PIK3C2A: variants seen among roughly 807,000 people sequenced by gnomAD.
PIK3C2A encodes the protein phosphatidylinositol-4-phosphate 3-kinase catalytic subunit type 2 alpha.
In PIK3C2A, 97 loss-of-function variants were observed where a neutral mutation model predicts 204.5. That is an observed-to-expected ratio of 0.47 (90% CI 0.40 to 0.56). The LOEUF is 0.56. PIK3C2A is among the 20% of genes least tolerant of loss of function. The pLI, the probability that PIK3C2A is intolerant of heterozygous loss-of-function variation, is 0.00. For synonymous variants in PIK3C2A, 653 were observed against 664.4 expected (o/e 0.98, Z 0.26); for missense variants, 1,735 against 1,969.2 (o/e 0.88, Z 2.25).
chr11:17,169,419 C>T lies in PIK3C2A; in HGVS notation c.323G>A (p.Ser108Asn). The change falls in exon 2 of 33, where the codon AGT becomes AAT. Residue 108 changes from serine (S) to asparagine (N), a missense_variant. Around this residue, in one of 6 missense-constraint regions of PIK3C2A, gnomAD observed 536 missense variants for 546.7 expected, o/e 0.98. Transcript: ENST00000691414. ...TACAGGTGTTTTTTTAGTCTCGAAA[C>T]TGTCATCCAGCAATAGTTTCTCAAG... is the stretch of plus-strand genomic sequence containing the variant. ...AELEKLLLDDSFETKKTPVLP... is the reference protein window; with the variant it reads ...AELEKLLLDDNFETKKTPVLP... The T allele has an allele frequency of 6.2e-7, 1 of 1,614,124 alleles. No individual in the cohort carries two copies. The highest frequency in any genetic ancestry group is 8.5e-7 in the Non-Finnish European group (1 of 1,180,004).
At chr11:17,162,664 G>A (rs896570013) in intron 2 of PIK3C2A, among the ~76,000 whole-genome samples, 4 of 152,258 alleles carry the variant, frequency 2.6e-5, no homozygotes, top group African/African-American at 7.2e-5. Context: ...TCTGTACCTC[G>A]TTTCCATTTT....
chr11:17,091,468 A>C lies in PIK3C2A; in HGVS notation c.4753-9T>G. ...GCTCCATCTTCAGTAACCTAAAAAG[A>C]AAAGCAGTCCCTTAATAGTAATGCT... On this transcript the variant is annotated splice_polypyrimidine_tract_variant and intron_variant, in intron 31 of 32. Transcript: ENST00000691414. 6.2e-7 allele frequency: 1 copy of C among 1,611,162 alleles called. No individual in the cohort carries two copies. Among genetic ancestry groups the C allele is most frequent in the Non-Finnish European group, 8.5e-7 (1 of 1,179,166 alleles).
chr11:17,182,395 C>A (rs1203621165), intron 1 of PIK3C2A, among the ~76,000 whole-genome samples: 2 of 151,616 alleles, frequency 1.3e-5, no homozygotes, highest in Non-Finnish European at 2.9e-5. Flanking sequence ...GGCAAAACCC[C>A]ATCTCTACAC....
chr11:17,148,624 A>C (rs1024575323), intron 5 of PIK3C2A, 43 bp downstream of exon 5: 1 of 1,585,102 alleles, frequency 6.3e-7, no homozygotes, highest in Middle Eastern at 1.7e-4. Flanking sequence ...ACCATTAAAA[A>C]TGAAATTTCC....
At chr11:17,110,005 T>C (rs1848944406) in intron 22 of PIK3C2A, among the ~76,000 whole-genome samples, 1 of 152,158 alleles carries the variant, frequency 6.6e-6, no homozygotes, top group African/African-American at 2.4e-5. Flanking sequence ...GAGCCTAGAA[T>C]ACAGTGATGC....
chr11:17,185,483 C>T (rs1406370280), intron 1 of PIK3C2A, among the ~76,000 whole-genome samples: 1 of 152,110 alleles, frequency 6.6e-6, no homozygotes, highest in East Asian at 1.9e-4. Flanking sequence ...TTGGTACTAT[C>T]CGAAGTTTTA....
chr11:17,142,347 T>C (rs747897158), intron 8 of PIK3C2A, among the ~76,000 whole-genome samples: 22 of 152,104 alleles, frequency 1.4e-4, no homozygotes, highest in Admixed American at 3.3e-4. Context: ...AACTGAGCCC[T>C]GGGGATATGC....
chr11:17,114,197 T>TA lies in PIK3C2A; in HGVS notation c.3321+163dup, dbSNP rs572798743. Among the ~76,000 whole-genome samples the TA allele has an allele frequency of 4.4e-4, 67 of 152,080 alleles. 1 individual carries two copies. The South Asian group carries it at 8.1e-3, about 18-fold the overall frequency. On this transcript the variant is annotated intron_variant, in intron 20 of 32. Transcript: ENST00000691414. ...TTTTTTCCCAGGAATGGTGGTTAGG[T>TA]AAAAAAATATGCTAAGATAAATATG...
At chr11:17,168,452 G>A (rs1176581444) in intron 2 of PIK3C2A, among the ~76,000 whole-genome samples, 2 of 152,022 alleles carry the variant, frequency 1.3e-5, no homozygotes, top group South Asian at 4.2e-4. Context: ...GTGGTGGCGG[G>A]TGCCTGTAGT....
At chr11:17,093,744 C>T (rs1848378103) in intron 28 of PIK3C2A, among the ~76,000 whole-genome samples, 2 of 151,720 alleles carry the variant, frequency 1.3e-5, no homozygotes, top group African/African-American at 2.4e-5. Context: ...ATCAATCAAT[C>T]CTCTCACTTC....
chr11:17,173,740 C>A (rs1324421813), intron 1 of PIK3C2A, among the ~76,000 whole-genome samples: 1 of 152,222 alleles, frequency 6.6e-6, no homozygotes, highest in Non-Finnish European at 1.5e-5. Flanking sequence ...GAGTTCCCCA[C>A]AACATTTAAA....
At chr11:17,145,772 C>A in intron 7 of PIK3C2A, 41 bp from the exon 8 acceptor site, 1 of 1,556,190 alleles carries the variant, frequency 6.4e-7, no homozygotes, top group South Asian at 1.1e-5. Context: ...GGATGCTACA[C>A]ACAAAATGAT....
At chr11:17,109,697 G>A (rs932776473) in intron 22 of PIK3C2A, among the ~76,000 whole-genome samples, 3 of 152,084 alleles carry the variant, frequency 2.0e-5, no homozygotes, top group African/African-American at 7.2e-5. Flanking sequence ...CAGAGCAGCT[G>A]AGACTATTTA....
At chr11:17,157,854 T>G (rs1850647083) in intron 2 of PIK3C2A, among the ~76,000 whole-genome samples, 1 of 152,210 alleles carries the variant, frequency 6.6e-6, no homozygotes, top group African/African-American at 2.4e-5. Context: ...ATTTTATATT[T>G]CCTAGCAAAT....
chr11:17,098,539 G>A (rs553363495), intron 26 of PIK3C2A, among the ~76,000 whole-genome samples: 1 of 152,320 alleles, frequency 6.6e-6, no homozygotes, highest in African/African-American at 2.4e-5. Flanking sequence ...TTTTGTTATG[G>A]AAGTCTAAGC....
chr11:17,186,510 T>C (rs1022203201), intron 1 of PIK3C2A, among the ~76,000 whole-genome samples: 4 of 152,308 alleles, frequency 2.6e-5, no homozygotes, highest in South Asian at 4.1e-4. Flanking sequence ...AAATATCACA[T>C]TCAAAATGAG....
intron 11 of PIK3C2A, among the ~76,000 whole-genome samples, chr11:17,132,487 G>A (rs947803614): frequency 3.3e-5 from 5 of 150,968 alleles, no homozygotes; most frequent in African/African-American, 9.7e-5. Context: ...CCGCCACCGC[G>A]CCCGGCTAAT....
At chr11:17,103,862 C>T (rs962420582) in intron 23 of PIK3C2A, among the ~76,000 whole-genome samples, 33 of 152,160 alleles carry the variant, frequency 2.2e-4, no homozygotes, top group African/African-American at 8.0e-4. Context: ...TTAATGTATG[C>T]TACTTGGCAA....
At position 17,136,462 on chromosome 11, in the gene PIK3C2A, T is replaced by C. The variant is rs1565266441; in HGVS notation, c.1848+20A>G. ...TACATATTTGCATGTAATAAAATCC[T>C]AGTTACCAAAAATACTCACATCAGC... On this transcript the variant is annotated intron_variant, in intron 9 of 32. Transcript: ENST00000691414. 4 of 1,581,058 alleles carry C rather than the reference T, an allele frequency of 2.5e-6. No homozygotes were observed. Among genetic ancestry groups the C allele is most frequent in the Middle Eastern group, 1.7e-4 (1 of 5,968 alleles).
Sources: gnomAD v4.1 joint callset for allele counts (sites outside exome capture counted in the v4.1 genomes callset) on GRCh38, gnomAD v4.1.1 for gene constraint, gnomAD v4.1.1 regional missense constraint, MANE v1.5 for transcripts, NCBI Gene and HGNC (gene_info 2026-07-23, HGNC 2026-07-21) for gene names.